IL1RAP: variants seen among roughly 807,000 people sequenced by gnomAD.
IL1RAP encodes the protein interleukin 1 receptor accessory protein.
In IL1RAP, 35 loss-of-function variants were observed where a neutral mutation model predicts 60.7. The ratio of observed to expected loss-of-function variants is 0.58; its 90% CI spans 0.44 to 0.76. The LOEUF (loss-of-function observed/expected upper bound fraction) is 0.76. IL1RAP is among the 30% of genes least tolerant of loss of function. IL1RAP has a pLI of 0.00. For synonymous variants in IL1RAP, 268 were observed against 250.9 expected (o/e 1.07, Z -0.64); for missense variants, 572 against 693.9 (o/e 0.82, Z 1.97).
downstream of IL1RAP, among the ~76,000 whole-genome samples, chr3:190,652,121 C>T (rs180963404): frequency 9.7e-4 from 147 of 152,014 alleles, no homozygotes; most frequent in African/African-American, 3.3e-3. Flanking sequence ...ATTTTATTTT[C>T]GGTTAATAAT....
chr3:190,612,581 C>A (rs937435080), intron 5 of IL1RAP, among the ~76,000 whole-genome samples: 2 of 152,172 alleles, frequency 1.3e-5, no homozygotes, highest in South Asian at 2.1e-4. Context: ...TTTTTCACTT[C>A]TTTATTTTTT....
At chr3:190,564,559 A>T (rs1726199766) in intron 3 of IL1RAP, 1 of 578,402 alleles carries the variant, frequency 1.7e-6, no homozygotes. Context: ...GATAGAGTAC[A>T]CAGGGGGCAG....
chr3:190,651,816 C>G (rs1734414820), downstream of IL1RAP, among the ~76,000 whole-genome samples: 1 of 149,814 alleles, frequency 6.7e-6, no homozygotes, highest in Non-Finnish European at 1.5e-5. Context: ...TGTGTGTATG[C>G]AGAGAGACAG....
At chr3:190,514,487 C>T (rs1721319856) in intron 1 of IL1RAP, among the ~76,000 whole-genome samples, 1 of 152,174 alleles carries the variant, frequency 6.6e-6, no homozygotes, top group African/African-American at 2.4e-5. Flanking sequence ...CCCCCATCCT[C>T]AGCCCTTTGA....
chr3:190,589,101 C>A (rs181553084), intron 3 of IL1RAP, among the ~76,000 whole-genome samples: 24 of 152,280 alleles, frequency 1.6e-4, no homozygotes, highest in African/African-American at 5.1e-4. Flanking sequence ...ATCCACCTTC[C>A]AGCTCTAACA....
chr3:190,656,002 G>T, downstream of IL1RAP: 1 of 1,537,216 alleles, frequency 6.5e-7, no homozygotes, highest in Non-Finnish European at 8.7e-7. Flanking sequence ...TAAACTGGGT[G>T]TCATGTGCCA....
rs753392464 is a variant in IL1RAP, at chr3:190,604,300, T to G, written c.237T>G (p.Leu79=). ...ATTGGACTAGGCAGGACCGGGACCTTGAGGAGCCAATTAACTTCCGCCTCC... is the reference window on the plus strand; with the variant it reads ...ATTGGACTAGGCAGGACCGGGACCTGGAGGAGCCAATTAACTTCCGCCTCC... ...IWYWTRQDRD[L]EEPINFRLPE... is the part of the protein sequence containing the mutation. The change falls in exon 4 of 12, where the codon CTT becomes CTG. Residue 79 remains leucine, a synonymous_variant. Transcript: ENST00000447382. The G allele has an allele frequency of 1.9e-6, 3 of 1,613,896 alleles. No homozygotes were observed. The highest frequency in any genetic ancestry group is 4.5e-5 in the East Asian group (2 of 44,834).
intron 3 of IL1RAP, among the ~76,000 whole-genome samples, chr3:190,589,636 C>T (rs1199867885): frequency 6.6e-6 from 1 of 152,130 alleles, no homozygotes; most frequent in Non-Finnish European, 1.5e-5. Context: ...GCTAGATGCA[C>T]TTTCCTTTGA....
chr3:190,568,407 A>C (rs1726612998), intron 3 of IL1RAP, among the ~76,000 whole-genome samples: 1 of 152,134 alleles, frequency 6.6e-6, no homozygotes, highest in South Asian at 2.1e-4. Context: ...CCATACTATA[A>C]TTGCCTTTCT....
At position 190,572,859 on chromosome 3, in the gene IL1RAP, GTTTTTT is replaced by G. The variant is rs1200775636; in HGVS notation, c.64+8523_64+8528del. On this transcript the variant is annotated intron_variant, in intron 3 of 11. Transcript: ENST00000447382. Reference sequence around the variant, plus strand: ...TCAGCATGTCCAGGGTTAATGCTTTGTTTTTTTTTTTTTTTTTTTTTTGAGACGGAG... The same window carrying G: ...TCAGCATGTCCAGGGTTAATGCTTTGTTTTTTTTTTTTTTTTGAGACGGAG... Among the ~76,000 whole-genome samples the G allele has an allele frequency of 1.8e-4, 7 of 39,050 alleles. 2 individuals are homozygous for G. Among genetic ancestry groups the G allele is most frequent in the Admixed American group, 7.4e-4 (2 of 2,710 alleles). The allele number at this position is 39,050 out of a possible 152,430, so 25.6% of individuals were successfully genotyped here. A position where few individuals can be genotyped will look rare whatever the true frequency, so the allele number is the denominator to read the frequency against.
intron 3 of IL1RAP, among the ~76,000 whole-genome samples, chr3:190,575,080 A>G (rs1727320279): frequency 1.3e-5 from 2 of 152,158 alleles, no homozygotes; most frequent in Admixed American, 1.3e-4. Context: ...CCTATTTTAA[A>G]TATGTACCTT....
intron 3 of IL1RAP, 105 bp from the exon 4 acceptor site, chr3:190,604,023 A>G (rs1009796339): frequency 3.8e-5 from 42 of 1,112,354 alleles, no homozygotes; most frequent in Non-Finnish European, 5.3e-5. Flanking sequence ...CCAGAGAAAG[A>G]GGTTCTGGAA....
At chr3:190,634,617 C>T (rs752867986) in intron 9 of IL1RAP, among the ~76,000 whole-genome samples, 14 of 151,912 alleles carry the variant, frequency 9.2e-5, no homozygotes, top group Non-Finnish European at 1.8e-4. Flanking sequence ...GTAATGTTCC[C>T]TCTTTTGTGA....
intron 1 of IL1RAP, among the ~76,000 whole-genome samples, chr3:190,525,794 C>T (rs1722462980): frequency 6.6e-6 from 1 of 152,188 alleles, no homozygotes; most frequent in Admixed American, 6.5e-5. Context: ...ATTCTTATTT[C>T]CAAATGCATT....
intron 3 of IL1RAP, among the ~76,000 whole-genome samples, chr3:190,574,732 C>T (rs1727288229): frequency 6.6e-6 from 1 of 152,146 alleles, no homozygotes; most frequent in Admixed American, 6.5e-5. Context: ...TGATTGTGGT[C>T]TCACTCCAAG....
intron 1 of IL1RAP, among the ~76,000 whole-genome samples, chr3:190,534,521 C>A (rs747513153): frequency 3.3e-5 from 5 of 152,158 alleles, no homozygotes; most frequent in Non-Finnish European, 7.3e-5. Context: ...CCCATGTACA[C>A]CATAAATCTT....
At chr3:190,608,834 G>T (rs528675321) in intron 4 of IL1RAP, among the ~76,000 whole-genome samples, 161 bp from the exon 5 acceptor site, 18 of 151,982 alleles carry the variant, frequency 1.2e-4, no homozygotes, top group African/African-American at 4.1e-4. Context: ...ATGTCAATTC[G>T]TGTAGGAAAT....
At chr3:190,653,801 T>G (rs577737664), downstream of IL1RAP, among the ~76,000 whole-genome samples, 10 of 152,314 alleles carry the variant, frequency 6.6e-5, no homozygotes, top group African/African-American at 2.2e-4. Flanking sequence ...ACTTTAGCAT[T>G]AAAAATAATA....
rs551420811 is a variant in IL1RAP, at chr3:190,567,158, T to C, written c.64+2805T>C. 9.8e-5 allele frequency among the ~76,000 whole-genome samples: 15 copies of C among 152,332 alleles called. No individual in the cohort carries two copies. In the South Asian group the frequency reaches 3.1e-3, roughly 32 times the overall value. On this transcript the variant is annotated intron_variant, in intron 3 of 11. Coordinates refer to ENST00000447382, the MANE Select transcript of IL1RAP (RefSeq NM_002182.4). ...ACGCAGTGAACTGGCCGTGAAGTCATACGATTCTGACTTCCGATCATGATT... is the reference window on the plus strand; with the variant it reads ...ACGCAGTGAACTGGCCGTGAAGTCACACGATTCTGACTTCCGATCATGATT...
Sources: gnomAD v4.1 joint callset for allele counts (sites outside exome capture counted in the v4.1 genomes callset) on GRCh38, gnomAD v4.1.1 for gene constraint, MANE v1.5 for transcripts, NCBI Gene and HGNC (gene_info 2026-07-23, HGNC 2026-07-21) for gene names.